The following ARHGAP8 variants were observed in gnomAD, a reference collection of about 807,000 sequenced individuals.
ARHGAP8 encodes Rho GTPase activating protein 8.
ARHGAP8 carries 62 observed loss-of-function variants against 46.1 expected under a neutral mutation model. The observed-to-expected ratio is 1.34, with a 90% confidence interval of 1.10 to 1.66. The LOEUF (loss-of-function observed/expected upper bound fraction) is 1.66. Among genes scored for constraint, ARHGAP8 ranks in the 40% most tolerant of loss-of-function variants. The pLI, the probability that ARHGAP8 is intolerant of heterozygous loss-of-function variation, is 0.00. For missense variants in ARHGAP8, 923 were observed against 568.4 expected (o/e 1.62, Z -6.34); for synonymous variants, 375 against 243.1 (o/e 1.54, Z -5.05).
At chr22:44,837,683 T>C (rs796999272) in intron 7 of ARHGAP8, among the ~76,000 whole-genome samples, 10 of 152,222 alleles carry the variant, frequency 6.6e-5, no homozygotes, top group African/African-American at 2.4e-4. Context: ...AGCCTCTCTC[T>C]CCGAGCCAGC....
intron 2 of ARHGAP8, 80 bp downstream of exon 2, chr22:44,786,686 G>C (rs961923844): frequency 2.6e-6 from 4 of 1,512,160 alleles, no homozygotes; most frequent in Non-Finnish European, 3.5e-6. Context: ...AAGTGGGCTC[G>C]TCAGGGGCTG....
intron 2 of ARHGAP8, 45 bp downstream of exon 2, chr22:44,786,651 C>A: frequency 2.5e-6 from 4 of 1,578,834 alleles, no homozygotes; most frequent in South Asian, 1.2e-5. Context: ...GGCAGAGCAG[C>A]CTTCCTCTCG....
chr22:44,825,130 C>T (rs193105434), intron 6 of ARHGAP8, among the ~76,000 whole-genome samples: 38 of 151,902 alleles, frequency 2.5e-4, no homozygotes, highest in Non-Finnish European at 3.8e-4. Flanking sequence ...TTAGCATTAC[C>T]GGCCAGCTCT....
intron 1 of ARHGAP8, among the ~76,000 whole-genome samples, chr22:44,760,721 AT>A (rs1925067036): frequency 6.6e-6 from 1 of 152,152 alleles, no homozygotes; most frequent in Admixed American, 6.5e-5. Context: ...GCAACAAACC[AT>A]TTTGCTATGA....
intron 7 of ARHGAP8, among the ~76,000 whole-genome samples, chr22:44,831,043 T>G (rs1321612199): frequency 6.6e-6 from 1 of 152,210 alleles, no homozygotes; most frequent in African/African-American, 2.4e-5. Context: ...TTGTAAAGAT[T>G]TGTTGATATA....
intron 11 of ARHGAP8, among the ~76,000 whole-genome samples, chr22:44,861,076 TC>T (rs1188039798): frequency 6.6e-6 from 1 of 152,180 alleles, no homozygotes; most frequent in East Asian, 1.9e-4. Flanking sequence ...CAATCTCAGC[TC>T]ACTGCAACCC....
rs372697344 is a variant in ARHGAP8 at position 44,814,657 on chromosome 22, C to T, written c.300-15C>T. On this transcript the variant is annotated splice_polypyrimidine_tract_variant and intron_variant, in intron 4 of 11. Transcript: ENST00000356099. ...AGCGCGGCAGCCTGAAGTCATCCCC[C>T]GTTTCCCTCCTCAGGTACAAGAAGA... 1.1e-5 allele frequency: 17 copies of T among 1,611,524 alleles called. No individual in the cohort carries two copies. Among genetic ancestry groups the T allele is most frequent in the Middle Eastern group, 1.7e-4 (1 of 6,030 alleles).
intron 1 of ARHGAP8, among the ~76,000 whole-genome samples, chr22:44,755,585 G>T (rs187318328): frequency 6.6e-6 from 1 of 152,168 alleles, no homozygotes; most frequent in Non-Finnish European, 1.5e-5. Flanking sequence ...GCGCTGCTCC[G>T]GAGTCCTGCC....
chr22:44,765,652 C>G (rs1396622503), intron 1 of ARHGAP8, among the ~76,000 whole-genome samples: 2 of 152,154 alleles, frequency 1.3e-5, no homozygotes, highest in African/African-American at 4.8e-5. Context: ...AGTGGCATGA[C>G]AGGGTGGCAG....
intron 10 of ARHGAP8, among the ~76,000 whole-genome samples, chr22:44,853,641 G>A (rs960928658): frequency 2.0e-5 from 3 of 152,164 alleles, no homozygotes; most frequent in Non-Finnish European, 2.9e-5. Flanking sequence ...GACCTATGTC[G>A]GCTCTTTTTA....
chr22:44,859,884 C>T (rs190956892), intron 11 of ARHGAP8, 50 bp downstream of exon 11: 19 of 1,594,854 alleles, frequency 1.2e-5, no homozygotes, highest in Non-Finnish European at 1.5e-5. Flanking sequence ...GCCTTCCCTC[C>T]CATGCTGGGC....
intron 10 of ARHGAP8, among the ~76,000 whole-genome samples, chr22:44,856,235 C>G (rs5766117): frequency 0.051 from 7,102 of 140,498 alleles, 427 homozygotes; most frequent in East Asian, 0.33. Flanking sequence ...ACATTACTGT[C>G]TGGCCAGCTA....
chr22:44,808,490 A>T, intron 4 of ARHGAP8, 52 bp downstream of exon 4: 1 of 1,599,350 alleles, frequency 6.3e-7, no homozygotes, highest in Non-Finnish European at 8.5e-7. Context: ...TTGTGGCAGG[A>T]GGAGGCATTG....
chr22:44,815,623 G>A (rs974950744), intron 5 of ARHGAP8, among the ~76,000 whole-genome samples: 10 of 150,068 alleles, frequency 6.7e-5, no homozygotes, highest in African/African-American at 2.2e-4. Flanking sequence ...CCAAATAAGC[G>A]GCCTAAAGAA....
chr22:44,774,964 G>A (rs1301124515), intron 1 of ARHGAP8, among the ~76,000 whole-genome samples: 6 of 151,888 alleles, frequency 4.0e-5, no homozygotes, highest in African/African-American at 1.5e-4. Flanking sequence ...CCGAGTAGCT[G>A]GGACAACAGG....
In ARHGAP8 at chr22:44,839,765, C is replaced by T. The variant is rs867881431; in HGVS notation, c.597-5504C>T. On this transcript the variant is annotated intron_variant, in intron 7 of 11. Coordinates refer to ENST00000356099, the MANE Select transcript of ARHGAP8 (RefSeq NM_181335.3). Reference sequence around the variant, plus strand: ...TCATTCGGGCCCTTTTCATCATGACCGAGTCTTCCGTTACCTGTTACCACT... The same window carrying T: ...TCATTCGGGCCCTTTTCATCATGACTGAGTCTTCCGTTACCTGTTACCACT... Among the ~76,000 whole-genome samples, 42 of 152,326 alleles carry T rather than the reference C, an allele frequency of 2.8e-4. 2 individuals carry two copies. In the Middle Eastern group the frequency reaches 0.017, roughly 62 times the overall value.
At chr22:44,781,628 A>G (rs144104156) in intron 1 of ARHGAP8, among the ~76,000 whole-genome samples, 2,561 of 152,120 alleles carry the variant, frequency 0.017, 69 homozygotes, top group African/African-American at 0.056. Context: ...GGTTCAAGGG[A>G]TTCTCCTGCC....
intron 7 of ARHGAP8, among the ~76,000 whole-genome samples, chr22:44,843,708 C>T (rs370063533): frequency 6.6e-6 from 1 of 151,816 alleles, no homozygotes; most frequent in Non-Finnish European, 1.5e-5. Context: ...GCCTGTAGCC[C>T]CAGCTACTTG....
chr22:44,782,446 A>C (rs1425468852), intron 1 of ARHGAP8, among the ~76,000 whole-genome samples: 1 of 152,206 alleles, frequency 6.6e-6, no homozygotes, highest in Non-Finnish European at 1.5e-5. Flanking sequence ...AGTTAGTTCC[A>C]GAACGTTTTC....
Sources: allele counts gnomAD v4.1 joint callset (sites outside exome capture counted in the v4.1 genomes callset), GRCh38; gene constraint gnomAD v4.1.1; transcripts MANE v1.5; gene names NCBI Gene and HGNC (gene_info 2026-07-23, HGNC 2026-07-21).